Variants in PSME4 observed in about 807,000 individuals in gnomAD.
PSME4 encodes the protein proteasome activator subunit 4, also known as proteasome activator complex subunit 4.
A neutral mutation model predicts 253.9 loss-of-function variants in PSME4; 89 were observed. The observed-to-expected ratio is 0.35, with a 90% CI of 0.30 to 0.42. The LOEUF is 0.42. Ranked by LOEUF, PSME4 falls within the 10% of genes least tolerant of loss-of-function variation. The pLI, the probability that PSME4 is intolerant of heterozygous loss-of-function variation, is 1.00. For synonymous variants in PSME4, 851 were observed against 759.2 expected, an observed-to-expected ratio of 1.12 and a Z score of -1.99; for missense variants, 2,014 against 2,195.2, an observed-to-expected ratio of 0.92 and a Z score of 1.65.
In PSME4 at chr2:53,921,138, T is replaced by C. The variant is rs753410403; in HGVS notation, c.2047-34A>G. On this transcript the variant is annotated intron_variant, in intron 17 of 46. Transcript: ENST00000404125. ...AGGGAAAAAATAGTTGAAGATATTT[T>C]GGTTAAAAGAACAAGAACCAATCAT... 78 of 1,610,712 alleles carry C rather than the reference T, an allele frequency of 4.8e-5. 2 individuals are homozygous for C. The South Asian group carries it at 8.0e-4, about 17-fold the overall frequency.
At chr2:53,961,244 G>A (rs1468352545) in intron 1 of PSME4, among the ~76,000 whole-genome samples, 1 of 152,198 alleles carries the variant, frequency 6.6e-6, no homozygotes, top group African/African-American at 2.4e-5. Flanking sequence ...GAGGTTTTCT[G>A]TTGCTGTTGT....
Position 53,888,721 on chromosome 2 carries a change from C to A in PSME4, c.4388G>T (p.Cys1463Phe). The A allele has an allele frequency of 6.2e-7, 1 of 1,602,968 alleles. No homozygotes were observed. Among genetic ancestry groups the A allele is most frequent in the Non-Finnish European group, 8.5e-7 (1 of 1,171,238 alleles). The change falls in exon 38 of 47, where the codon TGT (cysteine) becomes TTT (phenylalanine). Residue 1463 changes from cysteine (C) to phenylalanine (F), a missense_variant and splice_region_variant. This residue lies in a region of PSME4 where 403 missense variants were observed against 556.1 expected (regional missense o/e 0.72). Transcript: ENST00000404125. The part of the protein sequence containing the change: ...SGEGGSFVDA[C>F]RLYVLQGGLA... ...TCATAGGTTTTTTAAAAAAATTTAC[C>A]ATGCATCTACAAAGGATCCTCCTTC...
chr2:53,921,323 T>C (rs936569681), intron 17 of PSME4, among the ~76,000 whole-genome samples: 1 of 151,756 alleles, frequency 6.6e-6, no homozygotes, highest in African/African-American at 2.4e-5. Context: ...GTAACATCCC[T>C]TTCAAAAGAG....
intron 32 of PSME4, among the ~76,000 whole-genome samples, chr2:53,896,181 C>A (rs1680128612): frequency 6.6e-6 from 1 of 152,124 alleles, no homozygotes; most frequent in Non-Finnish European, 1.5e-5. Context: ...TAGACATCAT[C>A]TCAAATAATC....
intron 27 of PSME4, 63 bp downstream of exon 27, chr2:53,903,962 A>T: frequency 1.4e-6 from 2 of 1,408,834 alleles, no homozygotes; most frequent in Admixed American, 4.2e-5. Context: ...TTACCGTAGA[A>T]TTTTTTCAGC....
chr2:53,872,360 C>T (rs1017192605), intron 43 of PSME4, among the ~76,000 whole-genome samples: 4 of 152,218 alleles, frequency 2.6e-5, no homozygotes, highest in Non-Finnish European at 5.9e-5. Context: ...ATACTATCAA[C>T]GAACAGAATT....
chr2:53,912,414 G>A (rs1250490326), intron 20 of PSME4, among the ~76,000 whole-genome samples: 3 of 152,090 alleles, frequency 2.0e-5, no homozygotes, highest in African/African-American at 7.2e-5. Context: ...AAATTAACTG[G>A]ATTAACATGA....
intron 6 of PSME4, among the ~76,000 whole-genome samples, 188 bp from the exon 7 acceptor site, chr2:53,936,349 G>A (rs1177107558): frequency 6.6e-6 from 1 of 151,892 alleles, no homozygotes; most frequent in Non-Finnish European, 1.5e-5. Context: ...TTTAAAATCA[G>A]TTGCAGTTAA....
rs918473637 is a variant in PSME4, at chr2:53,949,112, C to A, written c.383+31G>T. 3.9e-6 allele frequency: 6 copies of A among 1,550,678 alleles called. No individual in the cohort carries two copies. In the Admixed American group the frequency reaches 9.4e-5, roughly 24 times the overall value. Reference sequence around the variant, plus strand: ...CTAAAACCCTGAAGAAACAAACAAACCTTAACAGAAACCTCTGGAAAAAGA... The same window carrying A: ...CTAAAACCCTGAAGAAACAAACAAAACTTAACAGAAACCTCTGGAAAAAGA... On this transcript the variant is annotated intron_variant, in intron 2 of 46. Transcript: ENST00000404125.
chr2:53,890,393 G>A (rs1679851640), intron 36 of PSME4, among the ~76,000 whole-genome samples, 185 bp from the exon 37 acceptor site: 1 of 152,188 alleles, frequency 6.6e-6, no homozygotes, highest in African/African-American at 2.4e-5. Context: ...TGTAGCCTTA[G>A]GCTTCTGAGC....
At position 53,910,064 on chromosome 2, in the gene PSME4, GATT is replaced by G; in HGVS notation, c.2572+8_2572+10del. On this transcript the variant is annotated splice_region_variant and intron_variant, in intron 21 of 46. Transcript: ENST00000404125. ...ATCCACACAGATTTACTCAGATTAG[GATT>G]CACATACCATATTCAAGTCCAGTAT... 4 of 1,585,738 alleles carry G rather than the reference GATT, an allele frequency of 2.5e-6. No individual in the cohort carries two copies. Among genetic ancestry groups the G allele is most frequent in the Non-Finnish European group, 3.5e-6 (4 of 1,154,466 alleles).
chr2:53,937,408 A>G lies in PSME4; in HGVS notation c.678T>C (p.Leu226=). Reference sequence around the variant, plus strand: ...ATACTTACTTAAAACCTTTATGATGAAGTTCTGGAGGAAGGGAGGTAGGAA... The same window carrying G: ...ATACTTACTTAAAACCTTTATGATGGAGTTCTGGAGGAAGGGAGGTAGGAA... The part of the protein sequence containing the change: ...IFLPTSLPPE[L]HHKGFKLWFD... The change falls in exon 5 of 47, where the codon CTT becomes CTC. Residue 226 remains leucine, a synonymous_variant. Coordinates refer to ENST00000404125, the MANE Select transcript of PSME4 (RefSeq NM_014614.3). The G allele has an allele frequency of 6.3e-7, 1 of 1,599,822 alleles. No individual in the cohort carries two copies. Among genetic ancestry groups the G allele is most frequent in the African/African-American group, 1.4e-5 (1 of 74,042 alleles).
At chr2:53,899,558 C>A (rs949753556) in intron 29 of PSME4, among the ~76,000 whole-genome samples, 1 of 151,950 alleles carries the variant, frequency 6.6e-6, no homozygotes, top group Non-Finnish European at 1.5e-5. Context: ...TGGCTCATGC[C>A]TGTAATCCCA....
chr2:53,928,253 G>A lies in PSME4; in HGVS notation c.1367C>T (p.Thr456Ile), dbSNP rs1668661418. The A allele has an allele frequency of 6.2e-7, 1 of 1,614,170 alleles. No homozygotes were observed. The highest frequency in any genetic ancestry group is 8.5e-7 in the Non-Finnish European group (1 of 1,180,014). The change falls in exon 11 of 47, where the codon ACT becomes ATT. Residue 456 changes from threonine (T) to isoleucine (I), a missense_variant. Physicochemically the swap from Thr to Ile is moderately conservative, Grantham distance 89 (BLOSUM62 -1). Around this residue, in one of 4 missense-constraint regions of PSME4, gnomAD observed 615 missense variants for 594.4 expected, o/e 1.03. Coordinates refer to ENST00000404125, the MANE Select transcript of PSME4 (RefSeq NM_014614.3). ...GGCTACTCCAATTACACAACTTAAA[G>A]TAGCTGTGAGCTGGTGAGGTTCTGT... ...TLTEPHQLTA[T>I]LSCVIGVARS...
Position 53,908,781 on chromosome 2 carries a change from T to A in PSME4, c.2629+3A>T, listed in dbSNP as rs895171946. 6.3e-7 allele frequency: 1 copy of A among 1,591,544 alleles called. No individual in the cohort carries two copies. Among genetic ancestry groups the A allele is most frequent in the Admixed American group, 1.7e-5 (1 of 58,388 alleles). The stretch of plus-strand genomic sequence containing the variant: ...AATAAGTTAAATGTACAGATACACT[T>A]ACTAAGAAGTTTCCTTATAACTGTA... On this transcript the variant is annotated splice_donor_region_variant and intron_variant, in intron 22 of 46. Transcript: ENST00000404125.
chr2:53,936,587 C>CAAATA (rs56277473), intron 6 of PSME4, among the ~76,000 whole-genome samples, 177 bp downstream of exon 6: 44,133 of 151,350 alleles, frequency 0.29, 6,778 homozygotes, highest in South Asian at 0.47. Context: ...TAGAATACAA[C>CAAATA]AAATAATATA....
At chr2:53,897,724 A>C (rs902645235) in intron 31 of PSME4, 146 bp downstream of exon 31, 1 of 903,348 alleles carries the variant, frequency 1.1e-6, no homozygotes, top group Non-Finnish European at 1.7e-6. Context: ...AATCATTATC[A>C]TCTCTGAATC....
Position 53,899,912 on chromosome 2 carries a change from G to T in PSME4, c.3391C>A (p.Arg1131Ser), listed in dbSNP as rs763345252. 3 of 1,613,538 alleles carry T rather than the reference G, an allele frequency of 1.9e-6. No individual in the cohort carries two copies. The African/African-American group carries it at 4.0e-5, about 22-fold the overall frequency. ...SPEKIKEGIK[R>S]QQEKNADALR... ...GCATCGGCATTCTTTTCCTGTTGGC[G>T]TTTAATTCCTTCCTTAATTTTTTCT... Residue 1131 changes from arginine to serine, a missense_variant, in exon 29 of 47, where the codon CGC becomes AGC. Physicochemically the swap from Arg to Ser is moderately radical, Grantham distance 110 (BLOSUM62 -1). Transcript: ENST00000404125.
chr2:53,935,925 G>C (rs1669086457), intron 7 of PSME4, among the ~76,000 whole-genome samples, 162 bp downstream of exon 7: 1 of 150,836 alleles, frequency 6.6e-6, no homozygotes, highest in Non-Finnish European at 1.5e-5. Context: ...ATGGAGTCAA[G>C]CTCTGTCACC....
Sources: gnomAD v4.1 joint callset for allele counts (sites outside exome capture counted in the v4.1 genomes callset) on GRCh38, gnomAD v4.1.1 for gene constraint, gnomAD v4.1.1 regional missense constraint, MANE v1.5 for transcripts, NCBI Gene and HGNC (gene_info 2026-07-23, HGNC 2026-07-21) for gene names.